BACE2: variants seen among roughly 807,000 people sequenced by gnomAD.
BACE2 encodes 56 kDa aspartic-like protease.
In BACE2, 17 loss-of-function variants were observed where a neutral mutation model predicts 46.2. The ratio of observed to expected loss-of-function variants is 0.37; its 90% CI spans 0.25 to 0.55. The LOEUF (loss-of-function observed/expected upper bound fraction) is 0.55. BACE2 is among the 20% of genes least tolerant of loss of function. BACE2 has a pLI of 0.82. For synonymous variants in BACE2, 277 were observed against 295.9 expected (o/e 0.94, Z 0.66); for missense variants, 595 against 698.1 (o/e 0.85, Z 1.66).
intron 1 of BACE2, among the ~76,000 whole-genome samples, chr21:41,200,201 AC>A (rs202201015): frequency 3.4e-5 from 5 of 146,854 alleles, no homozygotes; most frequent in African/African-American, 7.9e-5. Context: ...AAAAAAAAAA[AC>A]AAAAAAAAAA....
At chr21:41,212,016 C>G (rs1986317663) in intron 1 of BACE2, among the ~76,000 whole-genome samples, 1 of 152,228 alleles carries the variant, frequency 6.6e-6, no homozygotes, top group South Asian at 2.1e-4. Flanking sequence ...TTCTCGACCA[C>G]TGTTTTCTTG....
chr21:41,184,302 T>C, intron 1 of BACE2: 1 of 167,246 alleles, frequency 6.0e-6, no homozygotes. Flanking sequence ...CTTGTCATAA[T>C]TGACTGGCTT....
intron 1 of BACE2, among the ~76,000 whole-genome samples, chr21:41,175,038 C>T (rs910776881): frequency 2.0e-5 from 3 of 152,126 alleles, no homozygotes; most frequent in Admixed American, 2.0e-4. Flanking sequence ...CCTTCATCCT[C>T]TCTTGGCCTA....
At chr21:41,210,215 C>G (rs1185430587) in intron 1 of BACE2, among the ~76,000 whole-genome samples, 1 of 144,622 alleles carries the variant, frequency 6.9e-6, no homozygotes, top group African/African-American at 2.7e-5. Context: ...TCCTAAGCCC[C>G]CCACCAACTG....
intron 1 of BACE2, chr21:41,181,523 C>T (rs1167006564): frequency 6.0e-6 from 1 of 167,092 alleles, no homozygotes; most frequent in Non-Finnish European, 1.5e-5. Flanking sequence ...TCCCCGTGGT[C>T]TTGGAAACTT....
At chr21:41,231,244 G>T (rs1196970894) in intron 2 of BACE2, among the ~76,000 whole-genome samples, 5 of 152,212 alleles carry the variant, frequency 3.3e-5, no homozygotes, top group African/African-American at 9.6e-5. Context: ...TATTGAGGAT[G>T]TTGATGAACC....
At chr21:41,232,157 G>C (rs1201529984) in intron 2 of BACE2, among the ~76,000 whole-genome samples, 1 of 151,940 alleles carries the variant, frequency 6.6e-6, no homozygotes, top group Non-Finnish European at 1.5e-5. Flanking sequence ...CGCATTTCAA[G>C]TGTTCATTAG....
intron 8 of BACE2, among the ~76,000 whole-genome samples, chr21:41,263,031 G>T (rs931468608): frequency 6.6e-6 from 1 of 151,926 alleles, no homozygotes; most frequent in African/African-American, 2.4e-5. Flanking sequence ...TGGTGATAAT[G>T]GACTTTTTTG....
Position 41,206,743 on chromosome 21 carries a change from G to A in BACE2, c.313-19523G>A, listed in dbSNP as rs149821202. Reference sequence around the variant, plus strand: ...ACACAACAATGTGAATGTACTTAACGCCATTGAACTTCACCTTTAGAAAGA... The same window carrying A: ...ACACAACAATGTGAATGTACTTAACACCATTGAACTTCACCTTTAGAAAGA... On this transcript the variant is annotated intron_variant, in intron 1 of 8. Transcript: ENST00000330333. Among the ~76,000 whole-genome samples the A allele has an allele frequency of 3.1e-3, 467 of 152,262 alleles. 4 individuals are homozygous for A. Among genetic ancestry groups the A allele is most frequent in the African/African-American group, 0.011 (438 of 41,566 alleles).
intron 8 of BACE2, among the ~76,000 whole-genome samples, chr21:41,272,030 A>G (rs555859626): frequency 5.3e-4 from 81 of 151,850 alleles, no homozygotes; most frequent in African/African-American, 1.9e-3. Context: ...CAGCTTGTGT[A>G]TGACTGAAAA....
intron 1 of BACE2, among the ~76,000 whole-genome samples, chr21:41,174,223 A>G (rs1165746667): frequency 1.4e-5 from 2 of 140,892 alleles, no homozygotes; most frequent in Admixed American, 1.5e-4. Flanking sequence ...GCTCACTGCA[A>G]CCTCCACCTC....
At chr21:41,274,303 G>C (rs949717556) in intron 8 of BACE2, among the ~76,000 whole-genome samples, 1 of 151,784 alleles carries the variant, frequency 6.6e-6, no homozygotes, top group Non-Finnish European at 1.5e-5. Flanking sequence ...GTTTTCCTCT[G>C]ATTTTAAAAC....
At chr21:41,239,757 C>T (rs1987235796) in intron 3 of BACE2, among the ~76,000 whole-genome samples, 5 of 152,238 alleles carry the variant, frequency 3.3e-5, no homozygotes, top group Admixed American at 3.3e-4. Flanking sequence ...GAGCTTCTCA[C>T]TGTCTGCAGA....
intron 7 of BACE2, among the ~76,000 whole-genome samples, chr21:41,251,595 G>A (rs1386061290): frequency 1.4e-4 from 22 of 152,216 alleles, no homozygotes; most frequent in Admixed American, 1.4e-3. Flanking sequence ...GAGGTCAGGA[G>A]TTTGAGACCA....
chr21:41,251,665 A>G (rs1987642683), intron 7 of BACE2, among the ~76,000 whole-genome samples: 1 of 151,934 alleles, frequency 6.6e-6, no homozygotes, highest in Non-Finnish European at 1.5e-5. Context: ...GCCGGGCGTG[A>G]TGGTGCATGC....
chr21:41,186,190 C>T (rs1601248737), intron 1 of BACE2: 1 of 152,222 alleles, frequency 6.6e-6, no homozygotes. Context: ...TGGCACCAGC[C>T]AGTCTTCCAC....
chr21:41,197,271 TTTTG>T (rs1275897373), intron 1 of BACE2, among the ~76,000 whole-genome samples: 1 of 149,730 alleles, frequency 6.7e-6, no homozygotes, highest in African/African-American at 2.5e-5. Flanking sequence ...GCCAGGTTTT[TTTTG>T]TTTTTTTTTT....
intron 8 of BACE2, among the ~76,000 whole-genome samples, chr21:41,268,463 G>A (rs370126339): frequency 7.1e-4 from 108 of 152,342 alleles, no homozygotes; most frequent in African/African-American, 2.5e-3. Context: ...GCCCCCAGAA[G>A]GAATTTTAAA....
intron 1 of BACE2, among the ~76,000 whole-genome samples, chr21:41,197,854 A>AC (rs1415804732): frequency 6.6e-6 from 1 of 152,190 alleles, no homozygotes; most frequent in East Asian, 1.9e-4. Context: ...CTGGTCCCCC[A>AC]CTGTGTGCCC....
Sources: gnomAD v4.1 joint callset for allele counts (sites outside exome capture counted in the v4.1 genomes callset) on GRCh38, gnomAD v4.1.1 for gene constraint, MANE v1.5 for transcripts, NCBI Gene and HGNC (gene_info 2026-07-23, HGNC 2026-07-21) for gene names.